CR1: variants seen among roughly 807,000 people sequenced by gnomAD.
CR1 encodes the protein complement C3b/C4b receptor 1 (Knops blood group).
CR1 carries 116 observed loss-of-function variants against 187.3 expected under a neutral mutation model. The ratio of observed to expected loss-of-function variants is 0.62; its 90% CI spans 0.53 to 0.72. The LOEUF is 0.72. CR1 is among the 30% of genes least tolerant of loss of function. The probability of loss-of-function intolerance (pLI) is 0.00; values close to 1 mark genes in which losing one functional copy is unlikely to be tolerated. For missense variants in CR1, 1,731 were observed against 2,110.7 expected, an observed-to-expected ratio of 0.82 and a Z score of 3.52; for synonymous variants, 576 against 747.1, an observed-to-expected ratio of 0.77 and a Z score of 3.73.
rs370026083 is a variant in CR1, at chr1:207,577,974, C to T, written c.4707C>T (p.Asp1569=). The change falls in exon 29 of 47, where the codon GAC becomes GAT. Residue 1569 remains aspartate (D), a synonymous_variant. Transcript: ENST00000367049. ...GEPSIYCTSN[D]DQVGIWSGPA... ...CCTCCATATACTGCACCAGCAATGA[C>T]GATCAAGTGGGCATCTGGAGCGGCC... 3.6e-4 allele frequency: 573 copies of T among 1,611,856 alleles called. 8 individuals are homozygous for T. In the East Asian group the frequency reaches 0.011, roughly 32 times the overall value.
rs1277802342 is a variant in CR1 at position 207,505,954 on chromosome 1, A to G, written c.172A>G (p.Thr58Ala). Residue 58 changes from threonine (T) to alanine (A), a missense_variant, in exon 2 of 47, where the codon ACT becomes GCT. Thr to Ala is a moderately conservative substitution (Grantham distance 58). Around this residue, in one of 5 missense-constraint regions of CR1, gnomAD observed 237 missense variants for 240.4 expected, o/e 0.99. Transcript: ENST00000367049. ...WLPFARPTNL[T>A]DEFEFPIGTY... Reference sequence around the variant, plus strand: ...TCCATTTGCCAGGCCTACCAACCTAACTGATGAATTTGAGTTTCCCATTGG... The same window carrying G: ...TCCATTTGCCAGGCCTACCAACCTAGCTGATGAATTTGAGTTTCCCATTGG... 1 of 1,613,874 alleles carries G rather than the reference A, an allele frequency of 6.2e-7. No homozygotes were observed. The highest frequency in any genetic ancestry group is 1.3e-5 in the African/African-American group (1 of 74,930).
intron 2 of CR1, 52 bp from the exon 3 acceptor site, chr1:207,506,662 A>T: frequency 2.6e-6 from 4 of 1,510,492 alleles, no homozygotes; most frequent in African/African-American, 2.7e-5. Flanking sequence ...TGTACTAAAA[A>T]AAGTTTTTAG....
At chr1:207,621,564 T>C (rs913223848) in intron 43 of CR1, among the ~76,000 whole-genome samples, 1 of 152,142 alleles carries the variant, frequency 6.6e-6, no homozygotes, top group Non-Finnish European at 1.5e-5. Context: ...AAATGCACAA[T>C]AGAAGTCATT....
intron 1 of CR1, among the ~76,000 whole-genome samples, chr1:207,499,621 T>C (rs989524786): frequency 6.6e-6 from 1 of 152,170 alleles, no homozygotes; most frequent in African/African-American, 2.4e-5. Context: ...TAGACCACAT[T>C]CTGAGCCATA....
chr1:207,611,780 T>C lies in CR1; in HGVS notation c.6399T>C (p.Tyr2133=). 1 of 1,614,040 alleles carries C rather than the reference T, an allele frequency of 6.2e-7. No individual in the cohort carries two copies. Among genetic ancestry groups the C allele is most frequent in the Non-Finnish European group, 8.5e-7 (1 of 1,179,898 alleles). ...TGTTCTACAGCTGTGAGCCCAGCTATGACCTCAGAGGGGCTGCGTCTCTGC... is the reference window on the plus strand; with the variant it reads ...TGTTCTACAGCTGTGAGCCCAGCTACGACCTCAGAGGGGCTGCGTCTCTGC... ...QEVFYSCEPS[Y]DLRGAASLHC... Residue 2133 remains tyrosine, a synonymous_variant, in exon 38 of 47, where the codon TAT becomes TAC. Transcript: ENST00000367049.
rs896884104 is a variant in CR1 at position 207,523,981 on chromosome 1, G to A, written c.858G>A (p.Trp286Ter). The A allele has an allele frequency of 6.2e-7, 1 of 1,611,670 alleles. No individual in the cohort carries two copies. The highest frequency in any genetic ancestry group is 1.3e-5 in the African/African-American group (1 of 74,794). The change falls in exon 5 of 47, where the codon TGG (tryptophan) becomes TGA (stop). Residue 286 changes from tryptophan (W) to a stop codon, truncating the protein, a stop_gained. Transcript: ENST00000367049. LOFTEE classifies it high-confidence loss of function. ...TGAAGTGCCAGGCCCTGAACAAATG[G>A]GAGCCGGAGCTACCAAGCTGCTCCA... Reference protein sequence around the residue: ...RRVKCQALNKWEPELPSCSRV... With the variant: ...RRVKCQALNK
At chr1:207,594,239 G>A (rs1661361685) in intron 35 of CR1, among the ~76,000 whole-genome samples, 1 of 152,200 alleles carries the variant, frequency 6.6e-6, no homozygotes, top group Non-Finnish European at 1.5e-5. Context: ...TAAAGAAAAT[G>A]TGGCACATAT....
intron 31 of CR1, among the ~76,000 whole-genome samples, chr1:207,581,023 C>A (rs1660919272): frequency 6.6e-6 from 1 of 151,780 alleles, no homozygotes; most frequent in Non-Finnish European, 1.5e-5. Flanking sequence ...GAAGTAAAAT[C>A]ATTTTGGAAA....
intron 4 of CR1, among the ~76,000 whole-genome samples, chr1:207,513,656 TG>T (rs2102291554): frequency 6.6e-6 from 1 of 152,288 alleles, no homozygotes; most frequent in East Asian, 1.9e-4. Flanking sequence ...GTTGACATGG[TG>T]CCAAACCACC....
chr1:207,588,491 T>C (rs1479721267), intron 34 of CR1, among the ~76,000 whole-genome samples, 184 bp from the exon 35 acceptor site: 2 of 152,210 alleles, frequency 1.3e-5, no homozygotes, highest in Non-Finnish European at 2.9e-5. Context: ...TGCAAGATAG[T>C]CTTTTTCAAA....
Position 207,611,781 on chromosome 1 carries a change from G to T in CR1, c.6400G>T (p.Asp2134Tyr), listed in dbSNP as rs752143975. Residue 2134 changes from aspartate (D) to tyrosine (Y), a missense_variant, in exon 38 of 47, where the codon GAC becomes TAC. By Grantham distance (160) the Asp-to-Tyr change is radical. This residue lies in a region of CR1 where 1,312 missense variants were observed against 1,379.6 expected (regional missense o/e 0.95). Coordinates refer to ENST00000367049, the MANE Select transcript of CR1 (RefSeq NM_000651.6). Reference protein sequence around the residue: ...EVFYSCEPSYDLRGAASLHCT... With the variant: ...EVFYSCEPSYYLRGAASLHCT... The stretch of plus-strand genomic sequence containing the variant: ...GTTCTACAGCTGTGAGCCCAGCTAT[G>T]ACCTCAGAGGGGCTGCGTCTCTGCA... 37 of 1,613,860 alleles carry T rather than the reference G, an allele frequency of 2.3e-5. No individual in the cohort carries two copies. The Admixed American group carries it at 6.2e-4, about 27-fold the overall frequency.
At chr1:207,632,506 C>A (rs960365658) in intron 46 of CR1, among the ~76,000 whole-genome samples, 1 of 152,040 alleles carries the variant, frequency 6.6e-6, no homozygotes, top group Non-Finnish European at 1.5e-5. Context: ...TAAAATAAGA[C>A]GGCTGGGCGC....
At chr1:207,575,753 T>C in intron 28 of CR1, 73 bp downstream of exon 28, 2 of 1,602,302 alleles carry the variant, frequency 1.2e-6, no homozygotes, top group African/African-American at 1.3e-5. Context: ...TTACAAAGAA[T>C]GGATCTCATC....
intron 1 of CR1, among the ~76,000 whole-genome samples, chr1:207,498,741 G>A (rs1363648912): frequency 1.3e-5 from 2 of 151,798 alleles, no homozygotes; most frequent in Non-Finnish European, 2.9e-5. Context: ...ACCAGGGCAT[G>A]ATGGTGGGTG....
chr1:207,501,196 AG>A (rs1389233814), intron 1 of CR1, among the ~76,000 whole-genome samples: 1 of 152,228 alleles, frequency 6.6e-6, no homozygotes, highest in Non-Finnish European at 1.5e-5. Flanking sequence ...ATCAATCTGT[AG>A]TAAGAGAAAA....
intron 4 of CR1, among the ~76,000 whole-genome samples, chr1:207,522,341 T>C (rs1660024309): frequency 6.6e-6 from 1 of 152,238 alleles, no homozygotes; most frequent in South Asian, 2.1e-4. Context: ...TTATTTTCAG[T>C]TAACCCTGAT....
At chr1:207,498,221 C>T (rs770256437) in intron 1 of CR1, among the ~76,000 whole-genome samples, 1 of 152,178 alleles carries the variant, frequency 6.6e-6, no homozygotes, top group Non-Finnish European at 1.5e-5. Flanking sequence ...AACCCCCATG[C>T]ATGTCTGAAA....
chr1:207,506,870 T>C, intron 3 of CR1, 57 bp downstream of exon 3: 11 of 1,369,504 alleles, frequency 8.0e-6, no homozygotes, highest in Non-Finnish European at 1.0e-5. Context: ...AACACAGCCT[T>C]ACTACCTTCT....
intron 35 of CR1, among the ~76,000 whole-genome samples, chr1:207,602,295 G>A (rs893116953): frequency 1.2e-4 from 18 of 151,836 alleles, no homozygotes; most frequent in Admixed American, 3.9e-4. Flanking sequence ...TAAAATTATA[G>A]CCATAATTAA....
Sources: gnomAD v4.1 joint callset for allele counts (sites outside exome capture counted in the v4.1 genomes callset) on GRCh38, gnomAD v4.1.1 for gene constraint, gnomAD v4.1.1 regional missense constraint, MANE v1.5 for transcripts, NCBI Gene and HGNC (gene_info 2026-07-23, HGNC 2026-07-21) for gene names.